AKAP19: variants seen among roughly 807,000 people sequenced by gnomAD.
AKAP19 encodes the protein small A-kinase anchoring protein.
chr2:189,922,552 A>G, the AKAP19 span, among the ~76,000 whole-genome samples: 1 of 152,236 alleles, frequency 6.6e-6, no homozygotes, highest in Non-Finnish European at 1.5e-5. Context: ...CCAAATCAGT[A>G]CTTGCTGTAC....
the AKAP19 span, among the ~76,000 whole-genome samples, chr2:189,967,011 A>G: frequency 1.3e-5 from 2 of 152,192 alleles, no homozygotes; most frequent in African/African-American, 4.8e-5. Flanking sequence ...CTGCATAGTA[A>G]TAGAAGTACC....
chr2:189,912,789 A>T, the AKAP19 span, among the ~76,000 whole-genome samples: 1 of 151,832 alleles, frequency 6.6e-6, no homozygotes, highest in African/African-American at 2.4e-5. Flanking sequence ...TTTGCAGTAA[A>T]ATTAGTGTTT....
chr2:190,069,226 A>G, the AKAP19 span, among the ~76,000 whole-genome samples: 1 of 150,378 alleles, frequency 6.6e-6, no homozygotes, highest in Admixed American at 6.6e-5. Context: ...TCAATCTCCC[A>G]GTAGGGAGAA....
chr2:190,193,537 G>C, the AKAP19 span, among the ~76,000 whole-genome samples: 1 of 152,126 alleles, frequency 6.6e-6, no homozygotes, highest in East Asian at 1.9e-4. Flanking sequence ...TTAGGGCCTG[G>C]AGGTTTCTTT....
chr2:190,100,900 G>A, the AKAP19 span, among the ~76,000 whole-genome samples: 2 of 152,176 alleles, frequency 1.3e-5, no homozygotes, highest in Non-Finnish European at 2.9e-5. Flanking sequence ...GCCCCAGTAG[G>A]TGAGAGAGGC....
the AKAP19 span, among the ~76,000 whole-genome samples, chr2:189,906,835 T>C: frequency 1.9e-4 from 29 of 152,320 alleles, no homozygotes; most frequent in African/African-American, 6.7e-4. Flanking sequence ...ATTTGCCTGA[T>C]ACATAATTGC....
chr2:190,157,843 T>C, the AKAP19 span, among the ~76,000 whole-genome samples: 138 of 152,254 alleles, frequency 9.1e-4, 1 homozygote, highest in Middle Eastern at 3.4e-3. Context: ...AAACATCAGG[T>C]CTTGAAAGTG....
chr2:189,965,224 T>C, the AKAP19 span, among the ~76,000 whole-genome samples: 10 of 152,272 alleles, frequency 6.6e-5, no homozygotes, highest in African/African-American at 2.4e-4. Context: ...TATTTATTAA[T>C]TAAGTTTGCC....
the AKAP19 span, among the ~76,000 whole-genome samples, chr2:189,963,671 T>C: frequency 1.4e-4 from 22 of 152,360 alleles, no homozygotes; most frequent in Non-Finnish European, 2.6e-4. Context: ...ACAAATGTTC[T>C]TAATGGCATC....
chr2:190,034,344 T>A, the AKAP19 span, among the ~76,000 whole-genome samples: 5 of 151,714 alleles, frequency 3.3e-5, no homozygotes, highest in African/African-American at 1.2e-4. Flanking sequence ...GACCATAATT[T>A]TTTTAATCAA....
chr2:190,167,833 C>CG, the AKAP19 span, among the ~76,000 whole-genome samples: 1 of 152,206 alleles, frequency 6.6e-6, no homozygotes, highest in African/African-American at 2.4e-5. Flanking sequence ...AGGGTACATC[C>CG]TCCCTCCTGG....
the AKAP19 span, among the ~76,000 whole-genome samples, chr2:190,113,272 A>G: frequency 6.6e-6 from 1 of 152,076 alleles, no homozygotes; most frequent in Admixed American, 6.5e-5. Context: ...TATCTCTTTA[A>G]TCAGTAACTG....
the AKAP19 span, chr2:189,923,847 A>G: frequency 6.2e-7 from 1 of 1,610,864 alleles, no homozygotes; most frequent in Non-Finnish European, 8.5e-7. Flanking sequence ...GGATCTTCCA[A>G]GTCTGGAAAG....
the AKAP19 span, among the ~76,000 whole-genome samples, chr2:189,934,651 G>T: frequency 6.6e-6 from 1 of 151,156 alleles, no homozygotes; most frequent in Non-Finnish European, 1.5e-5. Flanking sequence ...ATAATTCCCA[G>T]ATAAACACAT....
chr2:189,900,810 A>G, the AKAP19 span, among the ~76,000 whole-genome samples: 3 of 152,318 alleles, frequency 2.0e-5, no homozygotes, highest in African/African-American at 7.2e-5. Flanking sequence ...TTGCAAGGGC[A>G]GTGGGCAAAT....
chr2:190,154,556 T>C, the AKAP19 span, among the ~76,000 whole-genome samples: 1 of 152,224 alleles, frequency 6.6e-6, no homozygotes, highest in Non-Finnish European at 1.5e-5. Context: ...TATTTACTGA[T>C]TAAAATCACT....
chr2:190,161,792 T>C, the AKAP19 span, among the ~76,000 whole-genome samples: 1 of 152,160 alleles, frequency 6.6e-6, no homozygotes, highest in African/African-American at 2.4e-5. Flanking sequence ...GCATTCATTT[T>C]TTTTCCCTCT....
the AKAP19 span, among the ~76,000 whole-genome samples, chr2:190,152,871 C>T: frequency 2.0e-5 from 3 of 150,344 alleles, no homozygotes; most frequent in East Asian, 1.9e-4. Flanking sequence ...TTGTTATTAT[C>T]GATGTGGGAT....
chr2:190,131,355 G>A, the AKAP19 span, among the ~76,000 whole-genome samples: 6 of 151,790 alleles, frequency 4.0e-5, no homozygotes, highest in Admixed American at 1.3e-4. Context: ...TTATACCTAC[G>A]TGATGAAACC....
Sources: gnomAD v4.1 joint callset for allele counts (sites outside exome capture counted in the v4.1 genomes callset) on GRCh38, gnomAD v4.1.1 for gene constraint, MANE v1.5 for transcripts, NCBI Gene and HGNC (gene_info 2026-07-23, HGNC 2026-07-21) for gene names.